Variants in ANKRD12 observed in about 807,000 individuals in gnomAD.
ANKRD12 encodes ankyrin repeat domain-containing protein 12.
In ANKRD12, 85 loss-of-function variants were observed where a neutral mutation model predicts 183.4. The observed-to-expected ratio is 0.46, with a 90% CI of 0.39 to 0.56. The LOEUF (loss-of-function observed/expected upper bound fraction) is 0.56, where lower values mean the gene tolerates loss of function less well. Among genes scored for constraint, ANKRD12 ranks in the 20% least tolerant of loss-of-function variants. The pLI is 0.00. For missense variants in ANKRD12, 2,405 were observed against 2,357.1 expected, an observed-to-expected ratio of 1.02 and a Z score of -0.42; for synonymous variants, 914 against 800.2, an observed-to-expected ratio of 1.14 and a Z score of -2.40.
chr18:9,225,862 G>C (rs1364934527), intron 8 of ANKRD12, among the ~76,000 whole-genome samples: 1 of 151,922 alleles, frequency 6.6e-6, no homozygotes, highest in Admixed American at 6.5e-5. Flanking sequence ...TGAACATCCT[G>C]TACCCACTAA....
chr18:9,191,783 AC>A (rs1469758911), intron 2 of ANKRD12, among the ~76,000 whole-genome samples: 2 of 152,008 alleles, frequency 1.3e-5, no homozygotes, highest in Non-Finnish European at 2.9e-5. Flanking sequence ...ACCTATCTAG[AC>A]CCCACATCCA....
At chr18:9,152,332 G>C (rs557889290) in intron 1 of ANKRD12, among the ~76,000 whole-genome samples, 1 of 152,282 alleles carries the variant, frequency 6.6e-6, no homozygotes, top group Non-Finnish European at 1.5e-5. Flanking sequence ...CTTTAATGTA[G>C]TAGTGGAATC....
At position 9,255,584 on chromosome 18, in the gene ANKRD12, G is replaced by C; in HGVS notation, c.2317G>C (p.Glu773Gln). 1 of 1,568,110 alleles carries C rather than the reference G, an allele frequency of 6.4e-7. No homozygotes were observed. Among genetic ancestry groups the C allele is most frequent in the Non-Finnish European group, 8.6e-7 (1 of 1,167,946 alleles). Residue 773 changes from glutamate (E) to glutamine (Q), a missense_variant, in exon 9 of 13, where the codon GAG becomes CAG. By Grantham distance (29) the Glu-to-Gln change is conservative (BLOSUM62 2). Around this residue, in one of 7 missense-constraint regions of ANKRD12, gnomAD observed 1,983 missense variants for 1,725.9 expected, o/e 1.15. Coordinates refer to ENST00000262126, the MANE Select transcript of ANKRD12 (RefSeq NM_015208.5). The part of the protein sequence containing the change: ...REEKIKDLKE[E>Q]RENIPTDKDS... ...GGAAAAAATAAAAGATCTAAAAGAA[G>C]AGAGAGAAAACATACCCACAGATAA...
At chr18:9,244,643 T>C (rs1001199904) in intron 8 of ANKRD12, among the ~76,000 whole-genome samples, 1 of 152,200 alleles carries the variant, frequency 6.6e-6, no homozygotes, top group African/African-American at 2.4e-5. Flanking sequence ...CATTGTGTCA[T>C]GCTGTTGAGG....
chr18:9,222,116 T>A, intron 8 of ANKRD12, 117 bp downstream of exon 8: 1 of 1,262,932 alleles, frequency 7.9e-7, no homozygotes, highest in Non-Finnish European at 1.1e-6. Context: ...GCTGGCTAGC[T>A]AGAATAATGC....
Position 9,256,321 on chromosome 18 carries a change from TAAAAAA to T in ANKRD12, c.3055_3060del (p.Lys1019_Lys1020del). The T allele has an allele frequency of 6.3e-7, 1 of 1,588,908 alleles. No individual in the cohort carries two copies. The highest frequency in any genetic ancestry group is 1.2e-5 in the South Asian group (1 of 86,398). ...AAACTCCAGATGGAAAAGAAAAAGA[TAAAAAA>T]GATAAAGATATAGATAGATACAAAG... On this transcript the variant is annotated inframe_deletion, in exon 9 of 13. Transcript: ENST00000262126.
Position 9,172,712 on chromosome 18 carries a change from A to G in ANKRD12, c.-51-9670A>G, listed in dbSNP as rs140186975. 7.5e-3 allele frequency among the ~76,000 whole-genome samples: 1,144 copies of G among 152,120 alleles called. 8 individuals carry two copies. The highest frequency in any genetic ancestry group is 0.012 in the Non-Finnish European group (814 of 67,988). ...CATTATCACCCACCTTCTGAAGCCT[A>G]CTTCTATCAGTTCAGCCATCTCAGC... On this transcript the variant is annotated intron_variant, in intron 1 of 12. Coordinates refer to ENST00000262126, the MANE Select transcript of ANKRD12 (RefSeq NM_015208.5).
rs2038783971 is a variant in ANKRD12, at chr18:9,258,602, C to T, written c.5335C>T (p.Pro1779Ser). The T allele has an allele frequency of 6.2e-7, 1 of 1,613,822 alleles. No individual in the cohort carries two copies. Among genetic ancestry groups the T allele is most frequent in the Non-Finnish European group, 8.5e-7 (1 of 1,179,864 alleles). ...AATAAGATTAACTGAAGATGACGAT[C>T]CTCAAATTCACCATCCACGGAAAAG... ...GRIRLTEDDD[P>S]QIHHPRKRKV... Residue 1779 changes from proline to serine, a missense_variant, in exon 9 of 13, where the codon CCT becomes TCT. Coordinates refer to ENST00000262126, the MANE Select transcript of ANKRD12 (RefSeq NM_015208.5).
intron 2 of ANKRD12, among the ~76,000 whole-genome samples, chr18:9,183,291 G>A (rs2033830166): frequency 6.6e-6 from 1 of 152,272 alleles, no homozygotes; most frequent in Admixed American, 6.5e-5. Context: ...CTAGGATTTT[G>A]AGGGAATTTT....
At chr18:9,247,434 G>A (rs981552945) in intron 8 of ANKRD12, among the ~76,000 whole-genome samples, 3 of 152,034 alleles carry the variant, frequency 2.0e-5, no homozygotes, top group African/African-American at 4.8e-5. Flanking sequence ...AGCTGCGATC[G>A]TGCCACTGCA....
intron 1 of ANKRD12, among the ~76,000 whole-genome samples, chr18:9,175,551 T>TTTTTTA (rs2033193252): frequency 7.2e-6 from 1 of 138,050 alleles, no homozygotes; most frequent in Non-Finnish European, 1.6e-5. Flanking sequence ...TTTTTTTTTT[T>TTTTTTA]GAGACAGTCT....
At chr18:9,190,870 AT>A (rs1285962553) in intron 2 of ANKRD12, among the ~76,000 whole-genome samples, 2 of 152,202 alleles carry the variant, frequency 1.3e-5, no homozygotes, top group Non-Finnish European at 2.9e-5. Flanking sequence ...AAACCAAAAA[AT>A]TTGTGTGACT....
chr18:9,150,202 A>G (rs2078640420), intron 1 of ANKRD12, among the ~76,000 whole-genome samples: 1 of 152,144 alleles, frequency 6.6e-6, no homozygotes, highest in African/African-American at 2.4e-5. Flanking sequence ...TGTTTACTGG[A>G]TTGAGCTTGT....
intron 7 of ANKRD12, among the ~76,000 whole-genome samples, chr18:9,219,879 C>T (rs941224752): frequency 1.3e-5 from 2 of 152,146 alleles, no homozygotes; most frequent in African/African-American, 4.8e-5. Flanking sequence ...CCCAGTCTTA[C>T]ACAGCCCAGT....
At position 9,282,187 on chromosome 18, in the gene ANKRD12, T is replaced by C. The variant is rs891110599; in HGVS notation, c.*1061T>C. ...TACGTTTAATAAATTTTATTGGTCA[T>C]GTTAAATCATTGTAAAACTTTTTTA... On this transcript the variant is annotated 3_prime_UTR_variant, in exon 13 of 13. Transcript: ENST00000262126. 6.6e-6 allele frequency: 1 copy of C among 152,628 alleles called. No individual in the cohort carries two copies. Among genetic ancestry groups the C allele is most frequent in the South Asian group, 2.1e-4 (1 of 4,832 alleles). 9.5% of individuals were successfully genotyped at this position (152,628 alleles called of 1,614,324 possible).
intron 8 of ANKRD12, among the ~76,000 whole-genome samples, chr18:9,247,422 T>C (rs2038026254): frequency 6.6e-6 from 1 of 151,942 alleles, no homozygotes; most frequent in East Asian, 1.9e-4. Flanking sequence ...AAGGTTACAG[T>C]GAGCTGCGAT....
At chr18:9,170,970 C>A (rs74910346) in intron 1 of ANKRD12, among the ~76,000 whole-genome samples, 3 of 152,188 alleles carry the variant, frequency 2.0e-5, no homozygotes, top group Admixed American at 6.5e-5. Context: ...TAGAGGTCCA[C>A]TCCAGACCCT....
At chr18:9,181,890 A>G (rs2033724940) in intron 1 of ANKRD12, among the ~76,000 whole-genome samples, 1 of 152,136 alleles carries the variant, frequency 6.6e-6, no homozygotes, top group South Asian at 2.1e-4. Flanking sequence ...AGTTTGATAA[A>G]GTGACTAAAT....
chr18:9,216,878 C>G lies in ANKRD12; in HGVS notation c.773C>G (p.Ser258Cys), dbSNP rs2036136368. Residue 258 changes from serine to cysteine, a missense_variant, in exon 7 of 13, where the codon TCT becomes TGT. Transcript: ENST00000262126. ...GLDDDTPLHD[S>C]ASSGHRDIVK... is the part of the protein sequence containing the mutation. ...GATGATGACACTCCACTCCATGATT[C>G]TGCTAGTAGTGGGCACAGAGATGTA... is the stretch of plus-strand genomic sequence containing the variant. 6.2e-7 allele frequency: 1 copy of G among 1,613,158 alleles called. No homozygotes were observed. Among genetic ancestry groups the G allele is most frequent in the Non-Finnish European group, 8.5e-7 (1 of 1,179,540 alleles).
Sources: allele counts gnomAD v4.1 joint callset (sites outside exome capture counted in the v4.1 genomes callset), GRCh38; gene constraint gnomAD v4.1.1; regional missense constraint gnomAD v4.1.1; transcripts MANE v1.5; gene names NCBI Gene and HGNC (gene_info 2026-07-23, HGNC 2026-07-21).